Variants in MAPK10 observed in about 807,000 individuals in gnomAD.
MAPK10 encodes the protein JNK3 alpha protein kinase.
In MAPK10, 25 loss-of-function variants were observed where a neutral mutation model predicts 59.3. That is an observed-to-expected ratio of 0.42 (90% CI 0.31 to 0.59). The LOEUF is 0.59. MAPK10 is among the 20% of genes least tolerant of loss of function. MAPK10 has a pLI of 0.15. For synonymous variants in MAPK10, 190 were observed against 200.5 expected (o/e 0.95, Z 0.44); for missense variants, 351 against 568.9 (o/e 0.62, Z 3.90).
At chr4:86,303,571 G>A (rs1032076485) in intron 2 of MAPK10, among the ~76,000 whole-genome samples, 2 of 152,182 alleles carry the variant, frequency 1.3e-5, no homozygotes, top group African/African-American at 4.8e-5. Flanking sequence ...GGAACACTGT[G>A]AAGAAAAAGC....
At chr4:86,212,771 C>T (rs556999019) in intron 2 of MAPK10, among the ~76,000 whole-genome samples, 67 of 152,058 alleles carry the variant, frequency 4.4e-4, no homozygotes, top group South Asian at 4.4e-3. Flanking sequence ...GACAGATGTA[C>T]GACAGTAGTT....
At chr4:86,031,571 A>T in intron 11 of MAPK10, 140 bp from the exon 12 acceptor site, 1 of 597,616 alleles carries the variant, frequency 1.7e-6, no homozygotes, top group Admixed American at 3.0e-5. Context: ...ACAGTAGTTC[A>T]GAAGTTAAAA....
At chr4:86,156,696 G>A (rs897590445) in intron 4 of MAPK10, among the ~76,000 whole-genome samples, 32 of 152,020 alleles carry the variant, frequency 2.1e-4, no homozygotes, top group Non-Finnish European at 1.0e-4. Flanking sequence ...AGATGTGAGT[G>A]AAAACAATGA....
intron 3 of MAPK10, chr4:86,191,752 G>C (rs1472943567): frequency 6.6e-6 from 1 of 150,894 alleles, no homozygotes. Context: ...TTTTGATTGG[G>C]GCATTTAGCC....
intron 1 of MAPK10, among the ~76,000 whole-genome samples, chr4:86,479,680 G>A (rs552967858): frequency 7.2e-5 from 11 of 152,086 alleles, no homozygotes; most frequent in African/African-American, 2.4e-4. Context: ...CATCTTTGCC[G>A]GCAGGGCTAT....
chr4:86,054,889 G>A (rs2044255334), intron 11 of MAPK10, among the ~76,000 whole-genome samples: 1 of 152,288 alleles, frequency 6.6e-6, no homozygotes, highest in South Asian at 2.1e-4. Flanking sequence ...CAGGACAGAT[G>A]GAGAGAACAG....
At chr4:86,173,566 A>G (rs1172096254) in intron 3 of MAPK10, among the ~76,000 whole-genome samples, 1 of 152,226 alleles carries the variant, frequency 6.6e-6, no homozygotes, top group Non-Finnish European at 1.5e-5. Flanking sequence ...GGAAATAGGC[A>G]TGGGCAAAGA....
intron 1 of MAPK10, among the ~76,000 whole-genome samples, chr4:86,392,077 TATC>T (rs1448426051): frequency 5.3e-5 from 8 of 152,088 alleles, no homozygotes; most frequent in African/African-American, 9.7e-5. Context: ...GATCGGGTGT[TATC>T]ATGCTGTGAG....
At chr4:86,026,959 G>T (rs1750607630) in intron 13 of MAPK10, 1 of 152,128 alleles carries the variant, frequency 6.6e-6, no homozygotes, top group Non-Finnish European at 1.5e-5. Context: ...AATCCTTCGT[G>T]CCTGATTTCA....
At chr4:86,400,184 A>C (rs2149016667) in intron 1 of MAPK10, among the ~76,000 whole-genome samples, 1 of 152,286 alleles carries the variant, frequency 6.6e-6, no homozygotes, top group Non-Finnish European at 1.5e-5. Flanking sequence ...GATATGTCTT[A>C]GGGTTAGACA....
intron 2 of MAPK10, among the ~76,000 whole-genome samples, chr4:86,217,127 A>C (rs1209039645): frequency 6.6e-6 from 1 of 152,180 alleles, no homozygotes. Context: ...TATTCATTAA[A>C]CACACATTAC....
intron 3 of MAPK10, among the ~76,000 whole-genome samples, chr4:86,190,186 A>G (rs1562903055): frequency 1.3e-5 from 2 of 152,190 alleles, no homozygotes; most frequent in Non-Finnish European, 2.9e-5. Flanking sequence ...GATGTTCATC[A>G]GGGATACTGC....
intron 9 of MAPK10, among the ~76,000 whole-genome samples, chr4:86,072,440 G>A (rs1436192445): frequency 2.8e-5 from 4 of 140,854 alleles, no homozygotes; most frequent in South Asian, 4.7e-4. Flanking sequence ...TTGAATAGGA[G>A]TGGTGAGAGA....
intron 2 of MAPK10, among the ~76,000 whole-genome samples, chr4:86,207,855 T>C (rs1354039439): frequency 6.6e-6 from 1 of 152,008 alleles, no homozygotes. Flanking sequence ...ATTTGTCTGT[T>C]ATTCGTGTAT....
intron 4 of MAPK10, among the ~76,000 whole-genome samples, chr4:86,118,720 T>C (rs2058705343): frequency 6.6e-6 from 1 of 152,090 alleles, no homozygotes; most frequent in African/African-American, 2.4e-5. Flanking sequence ...TAAGTCATAA[T>C]CATTTATTTG....
chr4:86,475,099 C>T (rs981881800), intron 1 of MAPK10, among the ~76,000 whole-genome samples: 4 of 152,132 alleles, frequency 2.6e-5, no homozygotes, highest in Non-Finnish European at 4.4e-5. Flanking sequence ...TCTTATAAAA[C>T]GGCCCCACTC....
At chr4:86,395,350 A>AT (rs1353759866) in intron 1 of MAPK10, among the ~76,000 whole-genome samples, 1 of 152,128 alleles carries the variant, frequency 6.6e-6, no homozygotes, top group East Asian at 1.9e-4. Context: ...TATAATTCCT[A>AT]TTTTTTAGCT....
At chr4:86,190,424 C>G (rs1367443266) in intron 3 of MAPK10, among the ~76,000 whole-genome samples, 1 of 152,144 alleles carries the variant, frequency 6.6e-6, no homozygotes, top group Non-Finnish European at 1.5e-5. Context: ...AATTTCAGCA[C>G]TTGTTATTGG....
chr4:86,432,637 A>G (rs1748194199), intron 1 of MAPK10, among the ~76,000 whole-genome samples: 1 of 152,158 alleles, frequency 6.6e-6, no homozygotes, highest in African/African-American at 2.4e-5. Context: ...TCTAAGATGG[A>G]GATTTCCATG....
Sources: allele counts gnomAD v4.1 joint callset (sites outside exome capture counted in the v4.1 genomes callset), GRCh38; gene constraint gnomAD v4.1.1; transcripts MANE v1.5; gene names NCBI Gene and HGNC (gene_info 2026-07-23, HGNC 2026-07-21).